ADAM10: variants seen among roughly 807,000 people sequenced by gnomAD.
ADAM10 encodes disintegrin and metalloproteinase domain-containing protein 10.
ADAM10 carries 17 observed loss-of-function variants against 90.1 expected under a neutral mutation model. The observed-to-expected ratio is 0.19, with a 90% CI of 0.13 to 0.28. The LOEUF (loss-of-function observed/expected upper bound fraction) is 0.28. Ranked by LOEUF, ADAM10 falls within the 10% of genes least tolerant of loss-of-function variation. The pLI, the probability that ADAM10 is intolerant of heterozygous loss-of-function variation, is 1.00. For synonymous variants in ADAM10, 310 were observed against 298.6 expected (o/e 1.04, Z -0.40); for missense variants, 610 against 914.3 (o/e 0.67, Z 4.29).
intron 4 of ADAM10, among the ~76,000 whole-genome samples, chr15:58,667,618 A>T (rs906406230): frequency 7.9e-5 from 12 of 152,156 alleles, no homozygotes; most frequent in Non-Finnish European, 1.2e-4. Flanking sequence ...CTATAGAATA[A>T]TATTATTATG....
At chr15:58,644,373 G>A (rs1896495773) in intron 6 of ADAM10, among the ~76,000 whole-genome samples, 2 of 151,972 alleles carry the variant, frequency 1.3e-5, no homozygotes, top group Admixed American at 1.3e-4. Flanking sequence ...GGGATTACAG[G>A]CGCCTACCAC....
chr15:58,734,285 T>G (rs1364654226), intron 1 of ADAM10, among the ~76,000 whole-genome samples: 2 of 152,194 alleles, frequency 1.3e-5, no homozygotes, highest in Admixed American at 6.5e-5. Flanking sequence ...TTTTTTCATT[T>G]AAACCACCCA....
At position 58,652,917 on chromosome 15, in the gene ADAM10, T is replaced by C. The variant is rs576854692; in HGVS notation, c.586-6713A>G. ...GATTTCTTTCACAGTGTTTTATACT[T>C]TTCATTGTAGAGATCTTTTACTTCT... On this transcript the variant is annotated intron_variant, in intron 5 of 15. Transcript: ENST00000260408. 2.0e-3 allele frequency among the ~76,000 whole-genome samples: 311 copies of C among 152,314 alleles called. 2 individuals carry two copies. The highest frequency in any genetic ancestry group is 7.2e-3 in the African/African-American group (298 of 41,560).
chr15:58,638,215 G>C lies in ADAM10; in HGVS notation c.1012+2562C>G, dbSNP rs114042147. The stretch of plus-strand genomic sequence containing the variant: ...ACATCTAATGTCTGAAAGAAAGAGA[G>C]ATAATAATATAAAAGGAAAAAAAGC... On this transcript the variant is annotated intron_variant, in intron 8 of 15. Coordinates refer to ENST00000260408, the MANE Select transcript of ADAM10 (RefSeq NM_001110.4). 6.0e-3 allele frequency among the ~76,000 whole-genome samples: 906 copies of C among 152,062 alleles called. 9 individuals are homozygous for C. Among genetic ancestry groups the C allele is most frequent in the African/African-American group, 0.021 (872 of 41,488 alleles).
intron 2 of ADAM10, among the ~76,000 whole-genome samples, chr15:58,699,334 T>C (rs1898066725): frequency 1.3e-5 from 2 of 151,984 alleles, no homozygotes; most frequent in Admixed American, 6.6e-5. Context: ...ATGATCACCA[T>C]CATGAAAACA....
intron 5 of ADAM10, among the ~76,000 whole-genome samples, chr15:58,652,308 G>C (rs556062433): frequency 2.0e-5 from 3 of 152,258 alleles, no homozygotes; most frequent in Non-Finnish European, 4.4e-5. Flanking sequence ...TTTTACTCAA[G>C]AAATTTTTGT....
intron 7 of ADAM10, among the ~76,000 whole-genome samples, chr15:58,642,962 A>T (rs1216655432): frequency 6.6e-5 from 10 of 152,196 alleles, no homozygotes; most frequent in African/African-American, 2.4e-4. Flanking sequence ...GAATGTATAT[A>T]CTAAACTTCT....
intron 2 of ADAM10, among the ~76,000 whole-genome samples, chr15:58,699,223 T>C (rs1567001341): frequency 6.6e-6 from 1 of 151,872 alleles, no homozygotes; most frequent in Non-Finnish European, 1.5e-5. Context: ...GAGGGAGAAA[T>C]AAAGTCCTTA....
At chr15:58,612,396 C>T (rs1474902240) in intron 11 of ADAM10, among the ~76,000 whole-genome samples, 1 of 152,136 alleles carries the variant, frequency 6.6e-6, no homozygotes, top group Non-Finnish European at 1.5e-5. Flanking sequence ...GATACTATGC[C>T]TACAGGCCAA....
intron 6 of ADAM10, 57 bp from the exon 7 acceptor site, chr15:58,644,035 T>A: frequency 7.5e-7 from 1 of 1,332,742 alleles, no homozygotes; most frequent in Admixed American, 1.7e-5. Context: ...AAAAAGATTA[T>A]AAATTTCCAT....
intron 2 of ADAM10, among the ~76,000 whole-genome samples, chr15:58,709,704 C>T (rs139697103): frequency 0.011 from 1,599 of 152,178 alleles, 15 homozygotes; most frequent in Non-Finnish European, 0.018. Context: ...TGCACCACTG[C>T]ACTCCAGCCT....
intron 5 of ADAM10, among the ~76,000 whole-genome samples, chr15:58,661,577 T>C (rs959166800): frequency 1.1e-4 from 17 of 152,130 alleles, no homozygotes; most frequent in African/African-American, 3.9e-4. Flanking sequence ...TTATGGTTTT[T>C]TATGATTTTC....
chr15:58,700,161 C>T (rs116948276), intron 2 of ADAM10, among the ~76,000 whole-genome samples: 1 of 152,166 alleles, frequency 6.6e-6, no homozygotes, highest in African/African-American at 2.4e-5. Context: ...GACTTCAACA[C>T]CCCACTCTCA....
At chr15:58,681,122 T>C (rs921906622) in intron 3 of ADAM10, among the ~76,000 whole-genome samples, 4 of 152,330 alleles carry the variant, frequency 2.6e-5, no homozygotes, top group Non-Finnish European at 4.4e-5. Context: ...CTAAATAACA[T>C]GATTTTTATC....
chr15:58,598,146 C>A (rs533022698), intron 15 of ADAM10, among the ~76,000 whole-genome samples: 4 of 152,130 alleles, frequency 2.6e-5, no homozygotes, highest in Non-Finnish European at 4.4e-5. Context: ...TGATAATTAA[C>A]GTATATAGCC....
chr15:58,628,015 T>A lies in ADAM10; in HGVS notation c.1177-132A>T, dbSNP rs1028378412. On this transcript the variant is annotated intron_variant, in intron 9 of 15. Coordinates refer to ENST00000260408, the MANE Select transcript of ADAM10 (RefSeq NM_001110.4). ...CTCTCCTTTAAAAAGGATCTTACAA[T>A]TGTTTTACACCTTGAGTAGGAAAAG... The A allele has an allele frequency of 5.6e-6, 5 of 898,636 alleles. No homozygotes were observed. In the African/African-American group the frequency reaches 8.4e-5, roughly 15 times the overall value. The allele number at this position is 898,636 out of a possible 1,614,324, so 55.7% of individuals were successfully genotyped here. A position where few individuals can be genotyped will look rare whatever the true frequency, so the allele number is the denominator to read the frequency against.
At chr15:58,614,241 T>C (rs562980867) in intron 11 of ADAM10, among the ~76,000 whole-genome samples, 20 of 151,698 alleles carry the variant, frequency 1.3e-4, no homozygotes, top group Admixed American at 5.9e-4. Context: ...GCTCAAACTG[T>C]ACCACTGCAC....
chr15:58,738,200 A>G (rs1899492041), intron 1 of ADAM10, among the ~76,000 whole-genome samples: 1 of 152,242 alleles, frequency 6.6e-6, no homozygotes, highest in African/African-American at 2.4e-5. Flanking sequence ...ACATAAAAAT[A>G]TATTTCCTTC....
At chr15:58,738,768 G>A (rs145426313) in intron 1 of ADAM10, among the ~76,000 whole-genome samples, 7 of 152,262 alleles carry the variant, frequency 4.6e-5, no homozygotes, top group South Asian at 2.1e-4. Context: ...AAATGTGTAC[G>A]TAAGATTTCT....
Sources: gnomAD v4.1 joint callset for allele counts (sites outside exome capture counted in the v4.1 genomes callset) on GRCh38, gnomAD v4.1.1 for gene constraint, MANE v1.5 for transcripts, NCBI Gene and HGNC (gene_info 2026-07-23, HGNC 2026-07-21) for gene names.